SLC11A2: variants seen among roughly 807,000 people sequenced by gnomAD.
SLC11A2 encodes natural resistance-associated macrophage protein 2.
Under a neutral mutation model 68.0 loss-of-function variants are expected in SLC11A2, and 38 were observed. That is an observed-to-expected ratio of 0.56 (90% CI 0.43 to 0.73). SLC11A2 has a LOEUF of 0.73. Ranked by LOEUF, SLC11A2 falls within the 30% of genes least tolerant of loss-of-function variation. SLC11A2 has a pLI of 0.00. For synonymous variants in SLC11A2, 242 were observed against 250.6 expected, an observed-to-expected ratio of 0.97 and a Z score of 0.32; for missense variants, 517 against 690.5, an observed-to-expected ratio of 0.75 and a Z score of 2.82.
intron 1 of SLC11A2, among the ~76,000 whole-genome samples, chr12:51,011,224 G>T (rs1312547393): frequency 6.6e-6 from 1 of 151,958 alleles, no homozygotes; most frequent in African/African-American, 2.4e-5. Context: ...TGCCTCCTGG[G>T]TTCAAGTGAT....
intron 1 of SLC11A2, chr12:51,024,628 G>C (rs1944262235): frequency 6.6e-6 from 1 of 152,432 alleles, no homozygotes; most frequent in Non-Finnish European, 1.5e-5. Flanking sequence ...TCCAGCCTGG[G>C]CAACAAGAGC....
At chr12:51,025,259 G>A (rs1944305567) in intron 1 of SLC11A2, among the ~76,000 whole-genome samples, 1 of 152,130 alleles carries the variant, frequency 6.6e-6, no homozygotes, top group Non-Finnish European at 1.5e-5. Flanking sequence ...GTGTTAAGGG[G>A]AAAGAAGGTA....
chr12:50,960,959 A>C, the SLC11A2 span: 4,708 of 1,558,692 alleles, frequency 3.0e-3, 8 homozygotes, highest in Non-Finnish European at 3.8e-3. Flanking sequence ...ATACTTTTAA[A>C]ATTCACAGGT....
At chr12:50,960,207 T>G in the SLC11A2 span, among the ~76,000 whole-genome samples, 4 of 152,198 alleles carry the variant, frequency 2.6e-5, no homozygotes, top group Non-Finnish European at 4.4e-5. Flanking sequence ...TTCATACCTT[T>G]TCATCTCTCA....
Position 50,993,563 on chromosome 12 carries a change from C to T in SLC11A2, c.1078-634G>A, listed in dbSNP as rs551187409. Among the ~76,000 whole-genome samples the T allele has an allele frequency of 4.3e-4, 65 of 151,596 alleles. 1 individual carries two copies. In the South Asian group the frequency reaches 5.0e-3, roughly 12 times the overall value. On this transcript the variant is annotated intron_variant, in intron 11 of 15. Coordinates refer to ENST00000262052, the MANE Select transcript of SLC11A2 (RefSeq NM_000617.3). ...ATACAAGGCCAGGCATGGTGGCTCACACCTGTAATCCCAGCACTTTGGGAG... is the reference window on the plus strand; with the variant it reads ...ATACAAGGCCAGGCATGGTGGCTCATACCTGTAATCCCAGCACTTTGGGAG...
chr12:50,999,651 A>G (rs1942029562), intron 6 of SLC11A2: 3 of 541,792 alleles, frequency 5.5e-6, no homozygotes, highest in Non-Finnish European at 3.3e-6. Flanking sequence ...CAAAGCTGAA[A>G]AGTTTGGGTC....
chr12:50,965,695 G>C, the SLC11A2 span, among the ~76,000 whole-genome samples: 1 of 152,164 alleles, frequency 6.6e-6, no homozygotes, highest in Non-Finnish European at 1.5e-5. Flanking sequence ...GTATGGATTA[G>C]TGTCAATTTA....
rs1207999582 is a variant in SLC11A2, at chr12:51,004,786, A to G, written c.429+2T>C. On this transcript the variant is annotated splice_donor_variant, in intron 5 of 15. Coordinates refer to ENST00000262052, the MANE Select transcript of SLC11A2 (RefSeq NM_000617.3). LOFTEE classifies it high-confidence loss of function. ...AGACAAACAGGACAATACATTGCTC[A>G]CCTTGGGATACTGACGGTGACATAC... 6.2e-7 allele frequency: 1 copy of G among 1,613,870 alleles called. No individual in the cohort carries two copies. Among genetic ancestry groups the G allele is most frequent in the Non-Finnish European group, 8.5e-7 (1 of 1,179,880 alleles).
chr12:50,955,710 G>A, the SLC11A2 span, among the ~76,000 whole-genome samples: 1 of 152,028 alleles, frequency 6.6e-6, no homozygotes, highest in Non-Finnish European at 1.5e-5. Flanking sequence ...ACTTATAATA[G>A]CACCCATAAG....
chr12:50,977,971 G>A (rs977971218), downstream of SLC11A2, among the ~76,000 whole-genome samples: 3 of 152,022 alleles, frequency 2.0e-5, no homozygotes, highest in Admixed American at 6.6e-5. Flanking sequence ...TTAGAATGGC[G>A]ATCATTAAAA....
chr12:50,990,638 G>C, intron 15 of SLC11A2, 157 bp downstream of exon 15: 3 of 717,854 alleles, frequency 4.2e-6, no homozygotes, highest in Non-Finnish European at 7.1e-6. Flanking sequence ...TCTAACTCCT[G>C]GATTCAAGCA....
At position 50,986,949 on chromosome 12, in the gene SLC11A2, T is replaced by C. The variant is rs1183828742; in HGVS notation, c.*1376A>G. 1 of 1,287,176 alleles carries C rather than the reference T, an allele frequency of 7.8e-7. No homozygotes were observed. The highest frequency in any genetic ancestry group is 1.0e-6 in the Non-Finnish European group (1 of 988,684). The allele number at this position is 1,287,176 out of a possible 1,614,324, so 79.7% of individuals were successfully genotyped here. ...GAAGGAAAGCTCCAAAAATGAGAAG[T>C]CCTTCAACACCATTTTCCATTACTG... On this transcript the variant is annotated 3_prime_UTR_variant, in exon 16 of 16. Coordinates refer to ENST00000262052, the MANE Select transcript of SLC11A2 (RefSeq NM_000617.3).
At chr12:50,993,595 G>GC (rs932007076) in intron 11 of SLC11A2, among the ~76,000 whole-genome samples, 3 of 151,632 alleles carry the variant, frequency 2.0e-5, no homozygotes, top group African/African-American at 7.3e-5. Flanking sequence ...GGAGGCCGAG[G>GC]GGGGGGTGGA....
At chr12:50,952,587 A>G in the SLC11A2 span, among the ~76,000 whole-genome samples, 1 of 152,084 alleles carries the variant, frequency 6.6e-6, no homozygotes, top group Non-Finnish European at 1.5e-5. Context: ...GGGTCTCCAC[A>G]GCCCCACTCA....
Position 51,005,417 on chromosome 12 carries a change from C to A in SLC11A2, c.203G>T (p.Arg68Leu), listed in dbSNP as rs773212190. ...PEEEYSCFSF[R>L]KLWAFTGPGF... The stretch of plus-strand genomic sequence containing the variant: ...TGGTCCGGTGAAAGCCCAGAGTTTA[C>A]GAAAGCTAAAACAAGAGTACTGTAC... The change falls in exon 4 of 16, where the codon CGT (arginine) becomes CTT (leucine). Residue 68 changes from arginine (R) to leucine (L), a missense_variant. Coordinates refer to ENST00000262052, the MANE Select transcript of SLC11A2 (RefSeq NM_000617.3). 1 of 1,613,588 alleles carries A rather than the reference C, an allele frequency of 6.2e-7. No individual in the cohort carries two copies. Among genetic ancestry groups the A allele is most frequent in the Non-Finnish European group, 8.5e-7 (1 of 1,179,760 alleles).
At chr12:51,001,832 G>A (rs1942276952) in intron 5 of SLC11A2, among the ~76,000 whole-genome samples, 1 of 152,050 alleles carries the variant, frequency 6.6e-6, no homozygotes, top group Non-Finnish European at 1.5e-5. Flanking sequence ...GAGCAAGACT[G>A]TCTCAACAAA....
chr12:50,992,204 G>A lies in SLC11A2; in HGVS notation c.1333C>T (p.Leu445=), dbSNP rs774796819. 19 of 1,613,890 alleles carry A rather than the reference G, an allele frequency of 1.2e-5. No individual in the cohort carries two copies. The Middle Eastern group carries it at 6.6e-4, about 56-fold the overall frequency. ...TTCCTCCTCACCTGTAAGCTCTGTA[G>A]AACATTCAGAAAGTCATTCATCCCT... is the stretch of plus-strand genomic sequence containing the variant. ...LTGMNDFLNV[L]QSLQLPFALI... The change falls in exon 13 of 16, where the codon CTA becomes TTA. Residue 445 remains leucine (L), a synonymous_variant. Coordinates refer to ENST00000262052, the MANE Select transcript of SLC11A2 (RefSeq NM_000617.3).
intron 8 of SLC11A2, 49 bp from the exon 9 acceptor site, chr12:50,997,021 G>C: frequency 7.0e-7 from 1 of 1,434,616 alleles, no homozygotes; most frequent in Non-Finnish European, 9.8e-7. Flanking sequence ...CGTGAAACGG[G>C]AGTAACATAG....
At chr12:51,027,316 G>T (rs540202811), upstream of SLC11A2, among the ~76,000 whole-genome samples, 1 of 152,166 alleles carries the variant, frequency 6.6e-6, no homozygotes, top group African/African-American at 2.4e-5. Context: ...TCCAGCCTGG[G>T]TGGCAGAGCA....
Sources: gnomAD v4.1 joint callset for allele counts (sites outside exome capture counted in the v4.1 genomes callset) on GRCh38, gnomAD v4.1.1 for gene constraint, MANE v1.5 for transcripts, NCBI Gene and HGNC (gene_info 2026-07-23, HGNC 2026-07-21) for gene names.